The following FOXO3 variants were observed in gnomAD, a reference collection of about 807,000 sequenced individuals.
FOXO3 encodes forkhead box O3.
FOXO3 carries 4 observed loss-of-function variants against 41.9 expected under a neutral mutation model. That is an observed-to-expected ratio of 0.10 (90% CI 0.05 to 0.22). The LOEUF (loss-of-function observed/expected upper bound fraction) is 0.22. Among genes scored for constraint, FOXO3 ranks in the 10% least tolerant of loss-of-function variants. The probability of loss-of-function intolerance (pLI) is 1.00; values close to 1 mark genes in which losing one functional copy is unlikely to be tolerated. For missense variants in FOXO3, 534 were observed against 906.8 expected (o/e 0.59, Z 5.28); for synonymous variants, 318 against 389.3 (o/e 0.82, Z 2.16).
intron 1 of FOXO3, among the ~76,000 whole-genome samples, chr6:108,604,677 A>G (rs935208004): frequency 6.6e-6 from 1 of 152,046 alleles, no homozygotes; most frequent in Non-Finnish European, 1.5e-5. Context: ...GCCAGTTTGG[A>G]TGTTTCAGGC....
In FOXO3 at chr6:108,680,685, A is replaced by ATCAGC. The variant is rs1180724833; in HGVS notation, c.*901_*905dup. 1 of 152,384 alleles carries ATCAGC rather than the reference A, an allele frequency of 6.6e-6. No individual in the cohort carries two copies. Among genetic ancestry groups the ATCAGC allele is most frequent in the Non-Finnish European group, 1.5e-5 (1 of 68,028 alleles). The allele number at this position is 152,384 out of a possible 1,614,324, so 9.4% of individuals were successfully genotyped here. A position where few individuals can be genotyped will look rare whatever the true frequency, so the allele number is the denominator to read the frequency against. ...GAATATTGATATTTTCAGGAAAGAA[A>ATCAGC]TCAGCTCAGCTCTCCACTCATTGCC... On this transcript the variant is annotated 3_prime_UTR_variant, in exon 3 of 3. Transcript: ENST00000406360.
At chr6:108,581,760 T>C (rs1289457256) in intron 1 of FOXO3, among the ~76,000 whole-genome samples, 1 of 152,204 alleles carries the variant, frequency 6.6e-6, no homozygotes, top group African/African-American at 2.4e-5. Context: ...AGGCATTCTG[T>C]CTGTGAACTA....
chr6:108,583,902 A>G (rs187578029), intron 1 of FOXO3, among the ~76,000 whole-genome samples: 130 of 152,336 alleles, frequency 8.5e-4, no homozygotes, highest in African/African-American at 3.1e-3. Context: ...ATTCTCGTAG[A>G]CAGAGTTTTG....
intron 1 of FOXO3, among the ~76,000 whole-genome samples, chr6:108,631,906 T>TC (rs1297724245): frequency 1.3e-5 from 2 of 152,042 alleles, no homozygotes; most frequent in African/African-American, 2.4e-5. Context: ...GCTCCACCCC[T>TC]CCCCCCTTTT....
At chr6:108,656,380 G>A in intron 1 of FOXO3, 1 of 985,388 alleles carries the variant, frequency 1.0e-6, no homozygotes, top group Non-Finnish European at 1.2e-6. Flanking sequence ...ACATGGTTTG[G>A]AAGGGCTGAA....
At chr6:108,662,638 G>A (rs765591632) in intron 1 of FOXO3, among the ~76,000 whole-genome samples, 5 of 152,210 alleles carry the variant, frequency 3.3e-5, no homozygotes, top group Non-Finnish European at 5.9e-5. Context: ...ATTCACAGAA[G>A]TAGTTAAGAA....
At chr6:108,676,449 C>A (rs1344391170) in intron 2 of FOXO3, among the ~76,000 whole-genome samples, 1 of 151,920 alleles carries the variant, frequency 6.6e-6, no homozygotes, top group African/African-American at 2.4e-5. Flanking sequence ...GCCATGTTGC[C>A]CAGGGTGGTC....
At chr6:108,621,541 GT>G (rs60622651) in intron 1 of FOXO3, among the ~76,000 whole-genome samples, 21,997 of 151,272 alleles carry the variant, frequency 0.15, 1,765 homozygotes, top group African/African-American at 0.22. Context: ...CCATGTTAGT[GT>G]TTTTTTTTGT....
rs565917444 is a variant in FOXO3, at chr6:108,573,026, C to T, written c.621+11197C>T. ...CTTTTGGCCGGCGCGGTGGCTCACG[C>T]CTGTAATCCCAGCACTTTGGGAGAC... On this transcript the variant is annotated intron_variant, in intron 1 of 2. Coordinates refer to ENST00000406360, the MANE Select transcript of FOXO3 (RefSeq NM_001455.4). Among the ~76,000 whole-genome samples the T allele has an allele frequency of 3.3e-5, 5 of 152,292 alleles. No individual in the cohort carries two copies. The East Asian group carries it at 9.6e-4, about 29-fold the overall frequency.
At chr6:108,658,055 A>C (rs1433200635) in intron 1 of FOXO3, among the ~76,000 whole-genome samples, 1 of 152,160 alleles carries the variant, frequency 6.6e-6, no homozygotes, top group Non-Finnish European at 1.5e-5. Context: ...GAGTATGCAC[A>C]GGTTTAGTTA....
At chr6:108,560,283 C>G (rs1013196129), upstream of FOXO3, among the ~76,000 whole-genome samples, 1 of 152,194 alleles carries the variant, frequency 6.6e-6, no homozygotes, top group African/African-American at 2.4e-5. Context: ...ATTTATGTTC[C>G]GACTCGCTCC....
chr6:108,584,245 G>A (rs1776513126), intron 1 of FOXO3, among the ~76,000 whole-genome samples: 1 of 152,190 alleles, frequency 6.6e-6, no homozygotes, highest in South Asian at 2.1e-4. Context: ...AATCCACCTT[G>A]CCTAGAAAGA....
intron 1 of FOXO3, among the ~76,000 whole-genome samples, chr6:108,608,888 A>G (rs746351539): frequency 6.6e-6 from 1 of 152,196 alleles, no homozygotes; most frequent in Non-Finnish European, 1.5e-5. Context: ...CTAAATTCCC[A>G]GGACAGATTT....
intron 1 of FOXO3, among the ~76,000 whole-genome samples, chr6:108,598,123 G>A (rs1015023014): frequency 6.6e-6 from 1 of 152,112 alleles, no homozygotes; most frequent in Admixed American, 6.5e-5. Context: ...TTCCATTAAG[G>A]ATATAGTTCC....
At chr6:108,629,461 C>T (rs768591174) in intron 1 of FOXO3, among the ~76,000 whole-genome samples, 1 of 152,070 alleles carries the variant, frequency 6.6e-6, no homozygotes, top group African/African-American at 2.4e-5. Context: ...GTCAGTTTAG[C>T]GGGAGGTTTT....
rs1562273577 is a variant in FOXO3, at chr6:108,682,948, C to T, written c.*3156C>T. ...GGGATCTGCTGTTCTCTCCAGGGCT[C>T]CAGAACCTGATACCTGTTACCAAAG... On this transcript the variant is annotated 3_prime_UTR_variant, in exon 3 of 3. Coordinates refer to ENST00000406360, the MANE Select transcript of FOXO3 (RefSeq NM_001455.4). 6.6e-6 allele frequency: 1 copy of T among 152,606 alleles called. No homozygotes were observed. The highest frequency in any genetic ancestry group is 1.5e-5 in the Non-Finnish European group (1 of 68,032). The allele number at this position is 152,606 out of a possible 1,614,324, so 9.5% of individuals were successfully genotyped here. A position where few individuals can be genotyped will look rare whatever the true frequency, so the allele number is the denominator to read the frequency against.
At position 108,664,659 on chromosome 6, in the gene FOXO3, G is replaced by A; in HGVS notation, c.1826G>A (p.Ser609Asn). Residue 609 changes from serine to asparagine, a missense_variant, in exon 2 of 3, where the codon AGC becomes AAC. By Grantham distance (46) the Ser-to-Asn change is conservative. Transcript: ENST00000406360. ...LPVMGHEKFP[S>N]DLDLDMFNGS... ...GTCATGGGCCATGAGAAGTTCCCCA[G>A]CGACTTGGACCTGGACATGTTCAAT... 9.9e-7 allele frequency: 1 copy of A among 1,006,450 alleles called. No homozygotes were observed. Among genetic ancestry groups the A allele is most frequent in the Non-Finnish European group, 1.5e-6 (1 of 646,748 alleles). 62.3% of individuals were successfully genotyped at this position (1,006,450 alleles called of 1,614,324 possible). A position where few individuals can be genotyped will look rare whatever the true frequency, so the allele number is the denominator to read the frequency against.
intron 1 of FOXO3, among the ~76,000 whole-genome samples, chr6:108,596,382 GAA>G (rs61683111): frequency 0.038 from 2,199 of 58,214 alleles, 33 homozygotes; most frequent in South Asian, 0.18. Flanking sequence ...TGGCCTAAAT[GAA>G]AAAAAAAAAA....
chr6:108,650,045 C>T (rs1432902843), intron 1 of FOXO3, among the ~76,000 whole-genome samples: 23 of 152,116 alleles, frequency 1.5e-4, no homozygotes, highest in African/African-American at 5.6e-4. Context: ...AATGAAAAAC[C>T]TGACTAAAGG....
Sources: gnomAD v4.1 joint callset for allele counts (sites outside exome capture counted in the v4.1 genomes callset) on GRCh38, gnomAD v4.1.1 for gene constraint, MANE v1.5 for transcripts, NCBI Gene and HGNC (gene_info 2026-07-23, HGNC 2026-07-21) for gene names.